Variants in CTNNA3 observed in about 807,000 individuals in gnomAD.
CTNNA3 encodes the protein catenin alpha 3.
In CTNNA3, 76 loss-of-function variants were observed where a neutral mutation model predicts 95.7. The observed-to-expected ratio is 0.79, with a 90% CI of 0.66 to 0.96. The LOEUF is 0.96. CTNNA3 is among the 40% of genes least tolerant of loss of function. CTNNA3 has a pLI of 0.00. For missense variants in CTNNA3, 1,191 were observed against 1,089.8 expected, an observed-to-expected ratio of 1.09 and a Z score of -1.31; for synonymous variants, 431 against 374.4, an observed-to-expected ratio of 1.15 and a Z score of -1.74.
chr10:66,970,317 T>G (rs1849646528), intron 7 of CTNNA3, among the ~76,000 whole-genome samples: 1 of 152,162 alleles, frequency 6.6e-6, no homozygotes, highest in African/African-American at 2.4e-5. Context: ...CACTTTGGTT[T>G]TACAGCACTA....
intron 13 of CTNNA3, among the ~76,000 whole-genome samples, chr10:66,119,636 CTTATA>C (rs767593051): frequency 2.0e-5 from 3 of 152,018 alleles, no homozygotes; most frequent in South Asian, 2.1e-4. Flanking sequence ...AATAAGATAA[CTTATA>C]TTATATATTG....
intron 16 of CTNNA3, among the ~76,000 whole-genome samples, chr10:65,977,281 T>C (rs2078224726): frequency 6.6e-6 from 1 of 152,178 alleles, no homozygotes; most frequent in South Asian, 2.1e-4. Flanking sequence ...TTTCTCACTT[T>C]AAGCCAGTTT....
chr10:67,069,562 A>ACCCCG (rs1564869799), intron 7 of CTNNA3, among the ~76,000 whole-genome samples: 29 of 23,216 alleles, frequency 1.2e-3, no homozygotes, highest in African/African-American at 4.8e-3. Flanking sequence ...AGCCCGCCCC[A>ACCCCG]CCCCACCCCA....
intron 7 of CTNNA3, among the ~76,000 whole-genome samples, chr10:66,833,842 C>A (rs959101309): frequency 1.3e-5 from 2 of 152,124 alleles, no homozygotes; most frequent in East Asian, 1.9e-4. Context: ...TTTCACGAAT[C>A]CTGTTTCAAG....
In CTNNA3 at chr10:66,941,527, T is replaced by C. The variant is rs572111565; in HGVS notation, c.1048-166003A>G. On this transcript the variant is annotated intron_variant, in intron 7 of 17. Transcript: ENST00000433211. ...TCTTTCCTTTCAACTGTATGGAATT[T>C]GAATCTGACAAACAACCTGTCTGTT... 4.6e-5 allele frequency among the ~76,000 whole-genome samples: 7 copies of C among 152,264 alleles called. No homozygotes were observed. In the South Asian group the frequency reaches 1.4e-3, roughly 32 times the overall value.
intron 12 of CTNNA3, among the ~76,000 whole-genome samples, chr10:66,335,927 T>C (rs2092390050): frequency 6.6e-6 from 1 of 152,076 alleles, no homozygotes; most frequent in Non-Finnish European, 1.5e-5. Flanking sequence ...GCCTGGGCAA[T>C]GGCGGGGTGC....
chr10:65,991,553 C>T (rs2078546996), intron 15 of CTNNA3, among the ~76,000 whole-genome samples: 1 of 151,758 alleles, frequency 6.6e-6, no homozygotes, highest in African/African-American at 2.4e-5. Context: ...TTCTTTTGCA[C>T]ATTTTTCAGA....
At chr10:66,214,722 G>T (rs2088401651) in intron 13 of CTNNA3, among the ~76,000 whole-genome samples, 1 of 152,120 alleles carries the variant, frequency 6.6e-6, no homozygotes, top group Non-Finnish European at 1.5e-5. Context: ...GTTTCGTAAA[G>T]GGACATACTA....
chr10:66,097,779 T>A (rs568536363), intron 14 of CTNNA3, among the ~76,000 whole-genome samples: 13 of 152,256 alleles, frequency 8.5e-5, no homozygotes, highest in African/African-American at 3.1e-4. Flanking sequence ...AATAATTTCC[T>A]AAGTCTCTAC....
intron 7 of CTNNA3, among the ~76,000 whole-genome samples, chr10:66,912,310 A>T (rs1846256490): frequency 6.6e-6 from 1 of 152,214 alleles, no homozygotes. Context: ...ATTTGAAAAT[A>T]GCAAAGTATT....
At chr10:65,999,872 T>C (rs1364193487) in intron 15 of CTNNA3, among the ~76,000 whole-genome samples, 2 of 151,914 alleles carry the variant, frequency 1.3e-5, no homozygotes. Flanking sequence ...ATTGAAAATA[T>C]TTTAAAGAAA....
intron 7 of CTNNA3, among the ~76,000 whole-genome samples, chr10:66,950,257 T>C (rs963440261): frequency 1.3e-5 from 2 of 152,166 alleles, no homozygotes; most frequent in Non-Finnish European, 2.9e-5. Flanking sequence ...ATTATTATTA[T>C]TTTACTTCTA....
chr10:66,660,624 T>A, intron 9 of CTNNA3, among the ~76,000 whole-genome samples: 1 of 152,152 alleles, frequency 6.6e-6, no homozygotes, highest in East Asian at 1.9e-4. Flanking sequence ...ACATAGAAGG[T>A]ATGCTTTTTG....
At chr10:66,376,501 A>G (rs747047574) in intron 12 of CTNNA3, among the ~76,000 whole-genome samples, 1 of 152,200 alleles carries the variant, frequency 6.6e-6, no homozygotes, top group Admixed American at 6.5e-5. Context: ...TTAGAAGATC[A>G]TCAAATTTTG....
At chr10:67,327,581 G>T (rs966961060) in intron 5 of CTNNA3, among the ~76,000 whole-genome samples, 1 of 152,170 alleles carries the variant, frequency 6.6e-6, no homozygotes, top group Non-Finnish European at 1.5e-5. Flanking sequence ...GGCTCCTTGA[G>T]GTTAGGAATC....
At chr10:65,920,663 T>C in intron 17 of CTNNA3, 46 bp from the exon 18 acceptor site, 1 of 1,581,784 alleles carries the variant, frequency 6.3e-7, no homozygotes, top group Non-Finnish European at 8.6e-7. Context: ...CAGGAGGTTT[T>C]GTTAATTATT....
chr10:66,793,886 C>G (rs1841082374), intron 7 of CTNNA3, among the ~76,000 whole-genome samples: 1 of 152,070 alleles, frequency 6.6e-6, no homozygotes, highest in African/African-American at 2.4e-5. Context: ...CACCCTTGGC[C>G]TTTCTCCATA....
chr10:66,059,449 T>C (rs1477541147), intron 15 of CTNNA3, among the ~76,000 whole-genome samples: 1 of 152,054 alleles, frequency 6.6e-6, no homozygotes, highest in African/African-American at 2.4e-5. Context: ...ACCTTGAAAA[T>C]CTTTACTTTC....
rs576115808 is a variant in CTNNA3, at chr10:66,984,306, T to C, written c.1047+196011A>G. ...GTTGATAAACTGGCTAAAGGGAAAC[T>C]AAGAGAATACCAAACATTATTCTTA... On this transcript the variant is annotated intron_variant, in intron 7 of 17. Coordinates refer to ENST00000433211, the MANE Select transcript of CTNNA3 (RefSeq NM_013266.4). Among the ~76,000 whole-genome samples, 49 of 152,288 alleles carry C rather than the reference T, an allele frequency of 3.2e-4. 1 individual carries two copies. In the Middle Eastern group the frequency reaches 0.01, roughly 32 times the overall value.
Sources: gnomAD v4.1 joint callset for allele counts (sites outside exome capture counted in the v4.1 genomes callset) on GRCh38, gnomAD v4.1.1 for gene constraint, MANE v1.5 for transcripts, NCBI Gene and HGNC (gene_info 2026-07-23, HGNC 2026-07-21) for gene names.